The following DNAJA3 variants were observed in gnomAD, a reference collection of about 807,000 sequenced individuals.
The protein encoded by DNAJA3 is DnaJ heat shock protein family (Hsp40) member A3, also known as dnaJ homolog subfamily A member 3, mitochondrial.
DNAJA3 carries 29 observed loss-of-function variants against 54.9 expected under a neutral mutation model. The observed-to-expected ratio is 0.53, with a 90% CI of 0.39 to 0.72. The LOEUF (loss-of-function observed/expected upper bound fraction) is 0.72. Ranked by LOEUF, DNAJA3 falls within the 30% of genes least tolerant of loss-of-function variation. The pLI, the probability that DNAJA3 is intolerant of heterozygous loss-of-function variation, is 0.00. For missense variants in DNAJA3, 708 were observed against 639.4 expected (o/e 1.11, Z -1.16); for synonymous variants, 302 against 251.4 (o/e 1.20, Z -1.90).
Position 4,441,463 on chromosome 16 carries a change from A to G in DNAJA3, c.518A>G (p.Tyr173Cys). 6.2e-7 allele frequency: 1 copy of G among 1,614,146 alleles called. No homozygotes were observed. The highest frequency in any genetic ancestry group is 8.5e-7 in the Non-Finnish European group (1 of 1,180,006). The change falls in exon 4 of 12, where the codon TAC (tyrosine) becomes TGC (cysteine). Residue 173 changes from tyrosine to cysteine, a missense_variant. Transcript: ENST00000262375. ...GGGGCCAGCGGCTCCCAGCATAGCT[A>G]CTGGAAGGGAGGCCCCACTGTGGAC... ...DPGASGSQHS[Y>C]WKGGPTVDPE... is the part of the protein sequence containing the mutation.
chr16:4,449,100 G>A (rs932729559), intron 9 of DNAJA3, among the ~76,000 whole-genome samples: 10 of 152,198 alleles, frequency 6.6e-5, no homozygotes, highest in South Asian at 4.1e-4. Context: ...AGGTTCAAGC[G>A]ATTCTCCTGC....
chr16:4,427,764 G>A (rs573582221), intron 1 of DNAJA3, among the ~76,000 whole-genome samples: 35 of 152,322 alleles, frequency 2.3e-4, no homozygotes, highest in African/African-American at 8.2e-4. Context: ...GACCTCCCAG[G>A]TTCAATCGAT....
chr16:4,444,375 C>T lies in DNAJA3; in HGVS notation c.932-289C>T, dbSNP rs181295539. 5.3e-3 allele frequency among the ~76,000 whole-genome samples: 777 copies of T among 146,346 alleles called. 6 individuals carry two copies. The highest frequency in any genetic ancestry group is 0.043 in the Middle Eastern group (12 of 276). On this transcript the variant is annotated intron_variant, in intron 6 of 11. Transcript: ENST00000262375. ...TTTTTTTTTTTTTAAGACGGAGTCT[C>T]GCTCTGTTGCCAGGCTGGCGTGTAG...
intron 2 of DNAJA3, among the ~76,000 whole-genome samples, chr16:4,437,044 C>T (rs987386285): frequency 6.6e-6 from 1 of 152,198 alleles, no homozygotes; most frequent in Admixed American, 6.5e-5. Context: ...GATCTCTGCT[C>T]ACTGCAACCT....
chr16:4,450,278 G>T, intron 9 of DNAJA3, 122 bp from the exon 10 acceptor site: 1 of 705,392 alleles, frequency 1.4e-6, no homozygotes, highest in Non-Finnish European at 2.4e-6. Context: ...GGCTCAGGGT[G>T]TCCGCCCCTG....
chr16:4,433,398 T>C (rs1286738878), intron 1 of DNAJA3: 5 of 152,222 alleles, frequency 3.3e-5, no homozygotes, highest in African/African-American at 1.2e-4. Context: ...TGATTTGTCA[T>C]TGGTTCTCAG....
intron 1 of DNAJA3, among the ~76,000 whole-genome samples, chr16:4,428,228 G>A (rs1245782165): frequency 1.3e-5 from 2 of 152,256 alleles, no homozygotes; most frequent in South Asian, 2.1e-4. Context: ...TGGAATTACA[G>A]GCTTGAGCCA....
At position 4,450,430 on chromosome 16, in the gene DNAJA3, C is replaced by T; in HGVS notation, c.1272C>T (p.Ile424=). The T allele has an allele frequency of 6.2e-7, 1 of 1,611,736 alleles. No homozygotes were observed. Among genetic ancestry groups the T allele is most frequent in the Non-Finnish European group, 8.5e-7 (1 of 1,179,328 alleles). The change falls in exon 10 of 12, where the codon ATC becomes ATT. Residue 424 remains isoleucine, a synonymous_variant. Transcript: ENST00000262375. Reference sequence around the variant, plus strand: ...TAACGAGCCGGCAGCAGAGCCTGATCCTGAGCTACGCCGAGGACGAGACAG... The same window carrying T: ...TAACGAGCCGGCAGCAGAGCCTGATTCTGAGCTACGCCGAGGACGAGACAG... ...KRLTSRQQSL[I]LSYAEDETDV...
intron 10 of DNAJA3, among the ~76,000 whole-genome samples, chr16:4,453,562 C>T (rs2057001285): frequency 6.6e-6 from 1 of 152,046 alleles, no homozygotes; most frequent in East Asian, 1.9e-4. Context: ...CTCAGCCTCC[C>T]GAGTAGCTGG....
intron 3 of DNAJA3, among the ~76,000 whole-genome samples, chr16:4,438,523 G>C (rs930959416): frequency 1.3e-5 from 2 of 151,668 alleles, no homozygotes; most frequent in Admixed American, 6.6e-5. Context: ...TGTCCTATAA[G>C]AATGTCAATG....
chr16:4,433,859 T>C (rs773370566), intron 1 of DNAJA3: 3 of 156,558 alleles, frequency 1.9e-5, no homozygotes, highest in African/African-American at 2.4e-5. Context: ...TTAATATTAA[T>C]TGAATACTGT....
chr16:4,447,877 A>AT (rs1241969023), intron 8 of DNAJA3: 2 of 150,892 alleles, frequency 1.3e-5, no homozygotes, highest in African/African-American at 2.4e-5. Flanking sequence ...CACCTGGCTA[A>AT]TTTTTTGTAT....
At chr16:4,437,526 A>C in intron 3 of DNAJA3, 41 bp downstream of exon 3, 1 of 1,552,666 alleles carries the variant, frequency 6.4e-7, no homozygotes, top group Non-Finnish European at 8.9e-7. Flanking sequence ...CTGTTCAGCT[A>C]TGTGTATGAA....
At position 4,442,434 on chromosome 16, in the gene DNAJA3, C is replaced by T. The variant is rs564402293; in HGVS notation, c.783+14C>T. The T allele has an allele frequency of 1.4e-5, 22 of 1,572,894 alleles. 1 individual carries two copies. The highest frequency in any genetic ancestry group is 7.1e-5 in the South Asian group (6 of 84,956). On this transcript the variant is annotated intron_variant, in intron 5 of 11. Transcript: ENST00000262375. ...GGCTCCGGCATGGTAAGGCTCTGCCCGAGACTCCACCTCCCACGGCTTGCA... is the reference window on the plus strand; with the variant it reads ...GGCTCCGGCATGGTAAGGCTCTGCCTGAGACTCCACCTCCCACGGCTTGCA...
chr16:4,452,037 T>TAC (rs2056984793), intron 10 of DNAJA3, among the ~76,000 whole-genome samples: 1 of 152,062 alleles, frequency 6.6e-6, no homozygotes, highest in African/African-American at 2.4e-5. Flanking sequence ...ACCACTGCAC[T>TAC]ACAGCCTGGG....
At chr16:4,445,914 T>C (rs1181959685) in intron 7 of DNAJA3, among the ~76,000 whole-genome samples, 6 of 150,904 alleles carry the variant, frequency 4.0e-5, no homozygotes, top group Non-Finnish European at 7.4e-5. Context: ...TATTTACTCT[T>C]CCCTTTTTTT....
chr16:4,435,752 A>G (rs1464336748), intron 2 of DNAJA3, among the ~76,000 whole-genome samples: 2 of 152,194 alleles, frequency 1.3e-5, no homozygotes, highest in Non-Finnish European at 2.9e-5. Flanking sequence ...GATATTTTCC[A>G]CTTTTTGCTA....
At chr16:4,448,914 G>A in intron 9 of DNAJA3, 66 bp downstream of exon 9, 1 of 1,271,392 alleles carries the variant, frequency 7.9e-7, no homozygotes, top group African/African-American at 1.5e-5. Flanking sequence ...TTGGAGCTCT[G>A]TGGCTTGGGC....
At chr16:4,441,635 TTTTTTATCAG>T in intron 4 of DNAJA3, 60 bp downstream of exon 4, 1 of 1,556,730 alleles carries the variant, frequency 6.4e-7, no homozygotes. Context: ...TCAAACAAAT[TTTTTTATCAG>T]TTTCTGTTTC....
Sources: allele counts gnomAD v4.1 joint callset (sites outside exome capture counted in the v4.1 genomes callset), GRCh38; gene constraint gnomAD v4.1.1; transcripts MANE v1.5; gene names NCBI Gene and HGNC (gene_info 2026-07-23, HGNC 2026-07-21).